The following ZNF516 variants were observed in gnomAD, a reference collection of about 807,000 sequenced individuals.
ZNF516 encodes zinc finger protein 516.
A neutral mutation model predicts 79.7 loss-of-function variants in ZNF516; 19 were observed. The ratio of observed to expected loss-of-function variants is 0.24; its 90% CI spans 0.17 to 0.35. ZNF516 has a LOEUF of 0.35. Among genes scored for constraint, ZNF516 ranks in the 10% least tolerant of loss-of-function variants. The pLI is 1.00. For missense variants in ZNF516, 1,678 were observed against 1,679.5 expected, an observed-to-expected ratio of 1.00 and a Z score of 0.02; for synonymous variants, 877 against 739.5, an observed-to-expected ratio of 1.19 and a Z score of -3.02.
rs976234593 is a variant in ZNF516, at chr18:76,459,353, C to G, written c.-158+3675G>C. Reference sequence around the variant, plus strand: ...CCCGTGGCCACCATCCACTCAACATCATTGAGCCCTCCCACAGGCACCCAA... The same window carrying G: ...CCCGTGGCCACCATCCACTCAACATGATTGAGCCCTCCCACAGGCACCCAA... On this transcript the variant is annotated intron_variant, in intron 2 of 6. Transcript: ENST00000443185. This position sits in a 1 kb window ranked among gnomAD's most constrained non-coding sequence, Gnocchi z 5.0. Among the ~76,000 whole-genome samples, 2 of 152,328 alleles carry G rather than the reference C, an allele frequency of 1.3e-5. No individual in the cohort carries two copies. Among genetic ancestry groups the G allele is most frequent in the African/African-American group, 4.8e-5 (2 of 41,578 alleles).
chr18:76,495,875 A>G, upstream of ZNF516: 1 of 494,610 alleles, frequency 2.0e-6, no homozygotes, highest in Non-Finnish European at 2.9e-6. Flanking sequence ...CAGGATCAAT[A>G]CATTAAGTCC....
At chr18:76,374,599 A>G (rs1403630131) in intron 4 of ZNF516, among the ~76,000 whole-genome samples, 1 of 152,224 alleles carries the variant, frequency 6.6e-6, no homozygotes, top group African/African-American at 2.4e-5. Flanking sequence ...CAATAGCAAC[A>G]TTCTCTGTAT....
chr18:76,473,042 A>G (rs895033976), intron 1 of ZNF516, among the ~76,000 whole-genome samples: 4 of 152,352 alleles, frequency 2.6e-5, no homozygotes, highest in East Asian at 1.9e-4. Flanking sequence ...GTCAAATTGT[A>G]TTACTACTGA....
chr18:76,366,306 T>C (rs1485251826), intron 6 of ZNF516, among the ~76,000 whole-genome samples: 5 of 152,232 alleles, frequency 3.3e-5, no homozygotes, highest in African/African-American at 1.2e-4. Flanking sequence ...AATATTCAAA[T>C]ATTAATATGA....
intron 3 of ZNF516, among the ~76,000 whole-genome samples, chr18:76,418,543 A>G (rs186815305): frequency 1.3e-5 from 2 of 152,002 alleles, no homozygotes; most frequent in East Asian, 3.9e-4. Context: ...TGTAACACAC[A>G]CTATGACACG....
intron 4 of ZNF516, among the ~76,000 whole-genome samples, chr18:76,378,615 G>A (rs959382911): frequency 6.6e-6 from 1 of 152,202 alleles, no homozygotes; most frequent in African/African-American, 2.4e-5. Context: ...CGTGCAGAGG[G>A]CCACCAACCC....
rs960556551 is a variant in ZNF516, at chr18:76,406,426, T to C, written c.1811-26123A>G. Among the ~76,000 whole-genome samples the C allele has an allele frequency of 3.3e-5, 5 of 152,048 alleles. No homozygotes were observed. The South Asian group carries it at 6.2e-4, about 19-fold the overall frequency. On this transcript the variant is annotated intron_variant, in intron 3 of 6. Coordinates refer to ENST00000443185, the MANE Select transcript of ZNF516 (RefSeq NM_014643.4). ...TAAAAATACAAAAATTAGCCGAGCA[T>C]GGTGGTGCACGCCTGTAATCCCAGC... is the stretch of plus-strand genomic sequence containing the variant.
Position 76,379,895 on chromosome 18 carries a change from G to A in ZNF516, c.2219C>T (p.Thr740Met), listed in dbSNP as rs568407825. 3.8e-5 allele frequency: 61 copies of A among 1,613,926 alleles called. No individual in the cohort carries two copies. The highest frequency in any genetic ancestry group is 5.0e-5 in the Admixed American group (3 of 60,012). Residue 740 changes from threonine (T) to methionine (M), a missense_variant, in exon 4 of 7, where the codon ACG (threonine) becomes ATG (methionine). This residue lies in a region of ZNF516 where 1,294 missense variants were observed against 1,248.3 expected (regional missense o/e 1.04). Transcript: ENST00000443185. Reference sequence around the variant, plus strand: ...CTCCTTATTGCTGGGGTCATCCCGCGTCGACCTCGCACTTAAATCTAGCGG... The same window carrying A: ...CTCCTTATTGCTGGGGTCATCCCGCATCGACCTCGCACTTAAATCTAGCGG... ...LMPLDLSARSTRDDPSNKETA... is the reference protein window; with the variant it reads ...LMPLDLSARSMRDDPSNKETA...
At chr18:76,365,956 T>C (rs151064152) in intron 6 of ZNF516, among the ~76,000 whole-genome samples, 1 of 152,336 alleles carries the variant, frequency 6.6e-6, no homozygotes, top group Non-Finnish European at 1.5e-5. Context: ...CCTTACCACC[T>C]ACCAAAGGAA....
intron 1 of ZNF516, chr18:76,490,896 G>A (rs1046030185): frequency 9.1e-6 from 9 of 985,544 alleles, no homozygotes; most frequent in Non-Finnish European, 9.6e-6. Context: ...GGCTTTTCCA[G>A]GCAGTCCACA....
At chr18:76,448,267 T>C (rs1309226180) in intron 2 of ZNF516, among the ~76,000 whole-genome samples, 1 of 152,236 alleles carries the variant, frequency 6.6e-6, no homozygotes, top group Non-Finnish European at 1.5e-5. Flanking sequence ...TTTTTGCCTA[T>C]ATCATACAAT....
chr18:76,458,995 G>GGT (rs373141568), intron 2 of ZNF516, among the ~76,000 whole-genome samples: 36 of 152,104 alleles, frequency 2.4e-4, no homozygotes, highest in Middle Eastern at 3.4e-3. Context: ...TGTGCCCGAG[G>GGT]GTGTGTGTGT....
At chr18:76,417,042 G>T (rs1009280972) in intron 3 of ZNF516, among the ~76,000 whole-genome samples, 1 of 152,300 alleles carries the variant, frequency 6.6e-6, no homozygotes, top group South Asian at 2.1e-4. Flanking sequence ...CTGGGATATT[G>T]AGAAATAAAC....
At chr18:76,460,785 A>C (rs570360265) in intron 2 of ZNF516, among the ~76,000 whole-genome samples, 1 of 152,338 alleles carries the variant, frequency 6.6e-6, no homozygotes, top group African/African-American at 2.4e-5. Context: ...AATAAGAATC[A>C]AAACTCCCAA....
chr18:76,466,286 C>G (rs1465903861), intron 1 of ZNF516, among the ~76,000 whole-genome samples: 2 of 152,216 alleles, frequency 1.3e-5, no homozygotes, highest in African/African-American at 4.8e-5. Context: ...TCCAGGCAGG[C>G]AGGGGCACAG....
chr18:76,448,734 T>C (rs997943019), intron 2 of ZNF516, among the ~76,000 whole-genome samples: 2 of 152,092 alleles, frequency 1.3e-5, no homozygotes, highest in Non-Finnish European at 2.9e-5. Flanking sequence ...CAACAAGCAC[T>C]TCCTGAGCAC....
Position 76,422,725 on chromosome 18 carries a change from T to C in ZNF516, c.1810+18520A>G, listed in dbSNP as rs554017899. On this transcript the variant is annotated intron_variant, in intron 3 of 6. Coordinates refer to ENST00000443185, the MANE Select transcript of ZNF516 (RefSeq NM_014643.4). ...GCAGACATGGGGCACTGGGGAGGCA[T>C]GGGAGGAGAAGATATGAATTCCATA... Among the ~76,000 whole-genome samples, 9 of 151,740 alleles carry C rather than the reference T, an allele frequency of 5.9e-5. No individual in the cohort carries two copies. In the South Asian group the frequency reaches 1.9e-3, roughly 32 times the overall value.
At chr18:76,480,470 T>G (rs990064936) in intron 1 of ZNF516, among the ~76,000 whole-genome samples, 1 of 150,034 alleles carries the variant, frequency 6.7e-6, no homozygotes, top group African/African-American at 2.5e-5. Context: ...TTTTTACATA[T>G]ATATACACAC....
Position 76,467,988 on chromosome 18 carries a change from G to A in ZNF516, c.-271-4847C>T, listed in dbSNP as rs80019674. Among the ~76,000 whole-genome samples, 1,909 of 152,224 alleles carry A rather than the reference G, an allele frequency of 0.013. 23 individuals carry two copies. The highest frequency in any genetic ancestry group is 0.022 in the Non-Finnish European group (1,472 of 68,018). On this transcript the variant is annotated intron_variant, in intron 1 of 6. Coordinates refer to ENST00000443185, the MANE Select transcript of ZNF516 (RefSeq NM_014643.4). The surrounding 1 kb of genome is among the most constrained non-coding windows in gnomAD (Gnocchi z 4.2). ...TGCGGCGCATTCCAGACCTCCCTAC[G>A]GACAGCACGCGACGGACGGCCTTGC...
Sources: allele counts gnomAD v4.1 joint callset (sites outside exome capture counted in the v4.1 genomes callset), GRCh38; gene constraint gnomAD v4.1.1; regional missense constraint gnomAD v4.1.1; non-coding constraint Gnocchi (gnomAD v3.1); transcripts MANE v1.5; gene names NCBI Gene and HGNC (gene_info 2026-07-23, HGNC 2026-07-21).